The following TCF4 variants were observed in gnomAD, a reference collection of about 807,000 sequenced individuals.
TCF4 encodes the protein transcription factor 4.
In TCF4, 3 loss-of-function variants were observed where a neutral mutation model predicts 82.1. The observed-to-expected ratio is 0.04, with a 90% confidence interval of 0.02 to 0.09. The LOEUF is 0.09. TCF4 is among the 10% of genes least tolerant of loss of function. TCF4 has a pLI of 1.00. For synonymous variants in TCF4, 276 were observed against 309.6 expected (o/e 0.89, Z 1.14); for missense variants, 518 against 852.7 (o/e 0.61, Z 4.89).
At chr18:55,540,150 G>A (rs2097153432) in intron 3 of TCF4, among the ~76,000 whole-genome samples, 2 of 151,704 alleles carry the variant, frequency 1.3e-5, no homozygotes, top group African/African-American at 4.8e-5. Context: ...AACAGAGGAG[G>A]AGTAAGGAAG....
At chr18:55,540,329 T>C (rs921713162) in intron 3 of TCF4, among the ~76,000 whole-genome samples, 1 of 152,074 alleles carries the variant, frequency 6.6e-6, no homozygotes, top group Admixed American at 6.6e-5. Context: ...AAACAGAATA[T>C]TGTTTTCACT....
At chr18:55,555,807 G>A (rs759628891) in intron 3 of TCF4, among the ~76,000 whole-genome samples, 59 of 151,698 alleles carry the variant, frequency 3.9e-4, no homozygotes, top group Non-Finnish European at 8.0e-4. Flanking sequence ...ATCCATTATC[G>A]GTGTACATTT....
At chr18:55,585,551 T>C (rs2097634741) in intron 2 of TCF4, 199 bp from the exon 3 acceptor site, 1 of 646,356 alleles carries the variant, frequency 1.5e-6, no homozygotes, top group Admixed American at 3.0e-5. Context: ...ATCACTCTGT[T>C]CTTTCTTTTT....
At chr18:55,433,698 A>G (rs1053722160) in intron 5 of TCF4, among the ~76,000 whole-genome samples, 1 of 152,254 alleles carries the variant, frequency 6.6e-6, no homozygotes. Flanking sequence ...AAGAGGCGGC[A>G]CACGTTTTCA....
chr18:55,632,482 G>T (rs551413402), intron 1 of TCF4, among the ~76,000 whole-genome samples: 7 of 152,276 alleles, frequency 4.6e-5, no homozygotes, highest in Admixed American at 3.3e-4. Context: ...AGAGCTATAT[G>T]TCTTCAGATT....
At chr18:55,363,435 T>C (rs187738681) in intron 6 of TCF4, among the ~76,000 whole-genome samples, 89 of 152,310 alleles carry the variant, frequency 5.8e-4, no homozygotes, top group African/African-American at 2.0e-3. Flanking sequence ...TAAGTAGAGA[T>C]GGCCTTTGTT....
At chr18:55,464,270 T>A in intron 3 of TCF4, 133 bp from the exon 4 acceptor site, 1 of 775,822 alleles carries the variant, frequency 1.3e-6, no homozygotes, top group South Asian at 1.4e-5. Context: ...GCTACCATGA[T>A]GATAGTGGCT....
chr18:55,434,986 T>C (rs1264397756), intron 5 of TCF4, among the ~76,000 whole-genome samples: 3 of 152,208 alleles, frequency 2.0e-5, no homozygotes, highest in Non-Finnish European at 4.4e-5. Flanking sequence ...TAAATTATTA[T>C]TGATTATAAT....
intron 3 of TCF4, among the ~76,000 whole-genome samples, chr18:55,515,207 A>C (rs576754500): frequency 6.6e-6 from 1 of 152,330 alleles, no homozygotes; most frequent in East Asian, 1.9e-4. Context: ...TAGATGAGAG[A>C]GAAAAAAGTC....
At chr18:55,235,582 C>A (rs2049119708) in intron 15 of TCF4, among the ~76,000 whole-genome samples, 1 of 152,116 alleles carries the variant, frequency 6.6e-6, no homozygotes, top group Non-Finnish European at 1.5e-5. Context: ...CTCTGGGGTC[C>A]AGAGACATTG....
intron 6 of TCF4, among the ~76,000 whole-genome samples, chr18:55,396,512 A>G (rs1373689253): frequency 6.6e-6 from 1 of 151,996 alleles, no homozygotes; most frequent in Admixed American, 6.6e-5. Flanking sequence ...CACCACAGCA[A>G]CCCCCTCGAG....
intron 5 of TCF4, among the ~76,000 whole-genome samples, chr18:55,451,588 AT>A (rs1194891572): frequency 6.6e-6 from 1 of 152,202 alleles, no homozygotes; most frequent in Non-Finnish European, 1.5e-5. Context: ...AAGCAGTCTT[AT>A]TTTTATTGAG....
chr18:55,480,220 T>A (rs761598288), intron 3 of TCF4, among the ~76,000 whole-genome samples: 5 of 132,890 alleles, frequency 3.8e-5, no homozygotes, highest in Non-Finnish European at 6.1e-5. Context: ...ACTGTTGTGA[T>A]GATTACAGAT....
chr18:55,508,248 T>C (rs2096785762), intron 3 of TCF4, among the ~76,000 whole-genome samples: 1 of 152,316 alleles, frequency 6.6e-6, no homozygotes, highest in Middle Eastern at 3.4e-3. Flanking sequence ...TTAGAAAACT[T>C]TGCTGCTTTA....
chr18:55,351,688 C>T (rs1026380428), intron 6 of TCF4: 4 of 315,486 alleles, frequency 1.3e-5, no homozygotes, highest in Non-Finnish European at 1.8e-5. Flanking sequence ...CACTAGAAAA[C>T]TTCCACAATA....
At chr18:55,241,881 G>C (rs2051345519) in intron 15 of TCF4, among the ~76,000 whole-genome samples, 1 of 152,234 alleles carries the variant, frequency 6.6e-6, no homozygotes, top group African/African-American at 2.4e-5. Flanking sequence ...CTTGCTTGCT[G>C]TATGGATCCA....
At chr18:55,419,232 A>G (rs2094636855) in intron 5 of TCF4, among the ~76,000 whole-genome samples, 1 of 152,240 alleles carries the variant, frequency 6.6e-6, no homozygotes, top group African/African-American at 2.4e-5. Flanking sequence ...TGCCTACATT[A>G]AACTCAAGAA....
chr18:55,434,755 C>T (rs968020019), intron 5 of TCF4, among the ~76,000 whole-genome samples: 1 of 59,660 alleles, frequency 1.7e-5, no homozygotes, highest in Non-Finnish European at 4.0e-5. Context: ...GATCACCTCT[C>T]AAGTATTCGT....
chr18:55,468,552 A>G (rs1182673169), intron 3 of TCF4, among the ~76,000 whole-genome samples: 1 of 152,244 alleles, frequency 6.6e-6, no homozygotes, highest in African/African-American at 2.4e-5. Flanking sequence ...TTTATTATCC[A>G]AATAACCATG....
Sources: gnomAD v4.1 joint callset for allele counts (sites outside exome capture counted in the v4.1 genomes callset) on GRCh38, gnomAD v4.1.1 for gene constraint, MANE v1.5 for transcripts, NCBI Gene and HGNC (gene_info 2026-07-23, HGNC 2026-07-21) for gene names.